Variants in CTR9 observed in about 807,000 individuals in gnomAD.
CTR9 encodes the protein CTR9 component of Paf1/RNA polymerase II complex.
A neutral mutation model predicts 152.1 loss-of-function variants in CTR9; 41 were observed. The ratio of observed to expected loss-of-function variants is 0.27; its 90% CI spans 0.21 to 0.35. The LOEUF is 0.35. Ranked by LOEUF, CTR9 falls within the 10% of genes least tolerant of loss-of-function variation. CTR9 has a pLI of 1.00. For synonymous variants in CTR9, 476 were observed against 496.2 expected, an observed-to-expected ratio of 0.96 and a Z score of 0.54; for missense variants, 917 against 1,424.4, an observed-to-expected ratio of 0.64 and a Z score of 5.73.
At chr11:10,773,820 G>A (rs1431195134) in intron 21 of CTR9, among the ~76,000 whole-genome samples, 192 bp from the exon 22 acceptor site, 1 of 151,228 alleles carries the variant, frequency 6.6e-6, no homozygotes, top group Non-Finnish European at 1.5e-5. Context: ...AAGAGGCAGA[G>A]GTTGCAGTGA....
rs150194069 is a variant in CTR9 at position 10,770,025 on chromosome 11, T to TA, written c.2110-184dup. Among the ~76,000 whole-genome samples the TA allele has an allele frequency of 7.5e-3, 1,146 of 152,356 alleles. 15 individuals carry two copies. The highest frequency in any genetic ancestry group is 0.026 in the African/African-American group (1,094 of 41,584). ...TAGTTTTTCTAATGGTCAGATTTTT[T>TA]ATGTTGTGAAAATGTATCCTGATGA... On this transcript the variant is annotated intron_variant, in intron 16 of 24. Coordinates refer to ENST00000361367, the MANE Select transcript of CTR9 (RefSeq NM_014633.5).
chr11:10,751,554 C>A, intron 1 of CTR9, 97 bp downstream of exon 1: 6 of 1,189,314 alleles, frequency 5.0e-6, no homozygotes, highest in Middle Eastern at 1.9e-4. Flanking sequence ...GAGCATCCTC[C>A]TTCCCTAAGA....
intron 12 of CTR9, among the ~76,000 whole-genome samples, chr11:10,765,089 G>A (rs7118098): frequency 1 from 152,189 of 152,356 alleles, 76,011 homozygotes; most frequent in Middle Eastern, 1. Flanking sequence ...TAATAGTGAG[G>A]AAGAAAAGTG....
chr11:10,772,710 C>G (rs747050472), intron 20 of CTR9, 55 bp downstream of exon 20: 50 of 1,448,614 alleles, frequency 3.5e-5, no homozygotes, highest in Non-Finnish European at 4.6e-5. Flanking sequence ...CATGCATACA[C>G]TTTGTATGTT....
In CTR9 at chr11:10,773,151, G is replaced by C; in HGVS notation, c.2605G>C (p.Glu869Gln). The C allele has an allele frequency of 8.1e-6, 13 of 1,606,990 alleles. No individual in the cohort carries two copies. The highest frequency in any genetic ancestry group is 1.0e-5 in the Non-Finnish European group (12 of 1,178,556). ...EQEEKRLREK[E>Q]EQKKLLEQRA... ...GGAAGAGAAACGTCTCAGAGAAAAG[G>C]AAGAGCAAAAGAAACTTTTGGAACA... The change falls in exon 21 of 25, where the codon GAA becomes CAA. Residue 869 changes from glutamate to glutamine, a missense_variant. Transcript: ENST00000361367.
rs1462196016 is a variant in CTR9, at chr11:10,768,438, A to C, written c.2056A>C (p.Asn686His). 6.2e-7 allele frequency: 1 copy of C among 1,614,072 alleles called. No individual in the cohort carries two copies. The highest frequency in any genetic ancestry group is 8.5e-7 in the Non-Finnish European group (1 of 1,179,964). The change falls in exon 16 of 25, where the codon AAC (asparagine) becomes CAC (histidine). Residue 686 changes from asparagine to histidine, a missense_variant. By Grantham distance (68) the Asn-to-His change is moderately conservative. Around this residue, in one of 9 missense-constraint regions of CTR9, gnomAD observed 87 missense variants for 235.7 expected, o/e 0.37. Transcript: ENST00000361367. ...AGCAGATATTAGTGATGTGTGGCTG[A>C]ACTTAGCACACATCTATGTGGAGCA... ...ATADISDVWL[N>H]LAHIYVEQKQ...
Position 10,775,228 on chromosome 11 carries a change from A to G in CTR9, c.2907A>G (p.Gly969=). The G allele has an allele frequency of 1.2e-6, 2 of 1,613,982 alleles. No homozygotes were observed. Among genetic ancestry groups the G allele is most frequent in the Non-Finnish European group, 1.7e-6 (2 of 1,179,930 alleles). ...KRRRHPKGEE[G]SDDDETENGP... Reference sequence around the variant, plus strand: ...TAAGACATCCAAAGGGAGAAGAAGGATCTGATGATGATGAAACAGAAAATG... The same window carrying G: ...TAAGACATCCAAAGGGAGAAGAAGGGTCTGATGATGATGAAACAGAAAATG... The change falls in exon 23 of 25, where the codon GGA becomes GGG. Residue 969 remains glycine, a synonymous_variant. Transcript: ENST00000361367.
rs763236195 is a variant in CTR9, at chr11:10,775,199, T to C, written c.2886-8T>C. On this transcript the variant is annotated splice_region_variant and splice_polypyrimidine_tract_variant and intron_variant, in intron 22 of 24. Transcript: ENST00000361367. The stretch of plus-strand genomic sequence containing the variant: ...TGACAAACTCTCTCTTGGTGTTCAC[T>C]ATTTAAGACATCCAAAGGGAGAAGA... 1 of 1,611,220 alleles carries C rather than the reference T, an allele frequency of 6.2e-7. No individual in the cohort carries two copies. The highest frequency in any genetic ancestry group is 1.1e-5 in the South Asian group (1 of 90,978).
At chr11:10,763,355 G>GTGTT (rs1481068714) in intron 7 of CTR9, 76 bp from the exon 8 acceptor site, 1 of 946,036 alleles carries the variant, frequency 1.1e-6, no homozygotes, top group Non-Finnish European at 1.7e-6. Flanking sequence ...GGTAAACGAA[G>GTGTT]TGTTAGTCTA....
At chr11:10,775,752 AAG>A (rs1863223357) in intron 24 of CTR9, 119 bp downstream of exon 24, 2 of 632,026 alleles carry the variant, frequency 3.2e-6, no homozygotes, top group Non-Finnish European at 5.1e-6. Context: ...TATAAATAAT[AAG>A]AGGGGTGGGG....
In CTR9 at chr11:10,756,873, G is replaced by A. The variant is rs559102615; in HGVS notation, c.592+35G>A. On this transcript the variant is annotated intron_variant, in intron 5 of 24. Coordinates refer to ENST00000361367, the MANE Select transcript of CTR9 (RefSeq NM_014633.5). ...AAATTTTATTTTATGTCTAAACTGT[G>A]TATTACCCAGCTTAAAGCATTGAGG... is the stretch of plus-strand genomic sequence containing the variant. 37 of 1,282,624 alleles carry A rather than the reference G, an allele frequency of 2.9e-5. No individual in the cohort carries two copies. In the South Asian group the frequency reaches 4.0e-4, roughly 14 times the overall value. 79.5% of individuals were successfully genotyped at this position (1,282,624 alleles called of 1,614,324 possible).
chr11:10,756,905 C>A, intron 5 of CTR9, 67 bp downstream of exon 5: 2 of 1,021,714 alleles, frequency 2.0e-6, no homozygotes, highest in South Asian at 2.8e-5. Flanking sequence ...GAGGATTTGT[C>A]AGTTGCTTAT....
intron 16 of CTR9, among the ~76,000 whole-genome samples, 184 bp downstream of exon 16, chr11:10,768,675 G>GA (rs1863096856): frequency 6.6e-6 from 1 of 152,142 alleles, no homozygotes; most frequent in South Asian, 2.1e-4. Flanking sequence ...GTGAGTCCTG[G>GA]TTCCACCACT....
intron 16 of CTR9, among the ~76,000 whole-genome samples, chr11:10,769,094 G>A (rs903038815): frequency 6.6e-6 from 1 of 152,096 alleles, no homozygotes; most frequent in Non-Finnish European, 1.5e-5. Context: ...GGTAGCACGT[G>A]CCTGTAATCC....
intron 7 of CTR9, among the ~76,000 whole-genome samples, chr11:10,762,364 G>A (rs754599614): frequency 2.6e-5 from 4 of 152,192 alleles, no homozygotes; most frequent in Non-Finnish European, 5.9e-5. Flanking sequence ...AAATGTAAGT[G>A]TAAAAATAAA....
chr11:10,777,491 C>T (rs1326501406), intron 24 of CTR9, among the ~76,000 whole-genome samples: 1 of 152,192 alleles, frequency 6.6e-6, no homozygotes, highest in Non-Finnish European at 1.5e-5. Context: ...CACTGTTTAG[C>T]CCTTGTCCCC....
In CTR9 at chr11:10,756,814, T is replaced by G; in HGVS notation, c.568T>G (p.Leu190Val). 1 of 1,612,484 alleles carries G rather than the reference T, an allele frequency of 6.2e-7. No individual in the cohort carries two copies. The highest frequency in any genetic ancestry group is 8.5e-7 in the Non-Finnish European group (1 of 1,178,976). The change falls in exon 5 of 25, where the codon TTG becomes GTG. Residue 190 changes from leucine (L) to valine (V), a missense_variant. Coordinates refer to ENST00000361367, the MANE Select transcript of CTR9 (RefSeq NM_014633.5). ...RGALAYYKKA[L>V]RTNPGCPAEV... ...AGCTCTTGCTTACTATAAGAAAGCATTGCGTACTAACCCAGGATGTCCAGG... is the reference window on the plus strand; with the variant it reads ...AGCTCTTGCTTACTATAAGAAAGCAGTGCGTACTAACCCAGGATGTCCAGG...
rs781729090 is a variant in CTR9, at chr11:10,773,156, G to A, written c.2610G>A (p.Glu870=). Residue 870 remains glutamate, a synonymous_variant, in exon 21 of 25, where the codon GAG becomes GAA. Coordinates refer to ENST00000361367, the MANE Select transcript of CTR9 (RefSeq NM_014633.5). ...AGAAACGTCTCAGAGAAAAGGAAGA[G>A]CAAAAGAAACTTTTGGAACAGCGGG... ...QEEKRLREKE[E]QKKLLEQRAQ... The A allele has an allele frequency of 1.6e-5, 25 of 1,609,052 alleles. No individual in the cohort carries two copies. The highest frequency in any genetic ancestry group is 1.6e-4 in the Middle Eastern group (1 of 6,068).
In CTR9 at chr11:10,757,353, G is replaced by T. The variant is rs574566490; in HGVS notation, c.592+515G>T. ...ACCTGTAATCTCAGCACTTTGGGAG[G>T]GTGAGGTAGAAGGATTGCTTGAGCC... is the stretch of plus-strand genomic sequence containing the variant. On this transcript the variant is annotated intron_variant, in intron 5 of 24. Coordinates refer to ENST00000361367, the MANE Select transcript of CTR9 (RefSeq NM_014633.5). Among the ~76,000 whole-genome samples the T allele has an allele frequency of 2.0e-5, 3 of 151,560 alleles. No individual in the cohort carries two copies. In the East Asian group the frequency reaches 5.9e-4, roughly 30 times the overall value.
Sources: gnomAD v4.1 joint callset for allele counts (sites outside exome capture counted in the v4.1 genomes callset) on GRCh38, gnomAD v4.1.1 for gene constraint, gnomAD v4.1.1 regional missense constraint, MANE v1.5 for transcripts, NCBI Gene and HGNC (gene_info 2026-07-23, HGNC 2026-07-21) for gene names.